The following WNT2B variants were observed in gnomAD, a reference collection of about 807,000 sequenced individuals.
The protein encoded by WNT2B is protein Wnt-2b.
A neutral mutation model predicts 40.5 loss-of-function variants in WNT2B; 19 were observed. That is an observed-to-expected ratio of 0.47 (90% CI 0.33 to 0.69). The LOEUF (loss-of-function observed/expected upper bound fraction) is 0.69, where lower values mean the gene tolerates loss of function less well. WNT2B is among the 30% of genes least tolerant of loss of function. WNT2B has a pLI of 0.02. For missense variants in WNT2B, 467 were observed against 556.4 expected, an observed-to-expected ratio of 0.84 and a Z score of 1.62; for synonymous variants, 220 against 211.9, an observed-to-expected ratio of 1.04 and a Z score of -0.33.
At position 112,509,970 on chromosome 1, in the gene WNT2B, CA is replaced by C. The variant is rs1652292557; in HGVS notation, c.182+528del. Among the ~76,000 whole-genome samples, 1 of 152,310 alleles carries C rather than the reference CA, an allele frequency of 6.6e-6. No homozygotes were observed. Among genetic ancestry groups the C allele is most frequent in the Non-Finnish European group, 1.5e-5 (1 of 68,024 alleles). On this transcript the variant is annotated intron_variant, in intron 1 of 4. Coordinates refer to ENST00000369684, the MANE Select transcript of WNT2B (RefSeq NM_024494.3). This position sits in a 1 kb window ranked among gnomAD's most constrained non-coding sequence, Gnocchi z 4.2. ...GCAAAATTTACCCCATTAACTCCCA[CA>C]ATTAAAACAAACAAAACGCATGGGT... is the stretch of plus-strand genomic sequence containing the variant.
chr1:112,503,364 G>A (rs919143648), intron 1 of WNT2B, among the ~76,000 whole-genome samples: 2 of 152,154 alleles, frequency 1.3e-5, no homozygotes, highest in African/African-American at 4.8e-5. Context: ...GTGCATGGCT[G>A]AGTTGGGGGA....
rs113011666 is a variant in WNT2B at position 112,474,103 on chromosome 1, C to T, written c.-95+6512C>T. The stretch of plus-strand genomic sequence containing the variant: ...AAAAAGAAAGAAAAAGAAAAAGAAA[C>T]ATCATAATCAAAAAGCCTAAAACCT... On this transcript the variant is annotated intron_variant, in intron 1 of 4. Transcript: ENST00000256640. Among the ~76,000 whole-genome samples the T allele has an allele frequency of 3.0e-3, 458 of 150,524 alleles. 1 individual carries two copies. The highest frequency in any genetic ancestry group is 0.011 in the African/African-American group (439 of 41,002).
At chr1:112,508,580 G>A (rs1215035943), upstream of WNT2B, among the ~76,000 whole-genome samples, 2 of 152,164 alleles carry the variant, frequency 1.3e-5, no homozygotes, top group East Asian at 1.9e-4. This position sits in a 1 kb window ranked among gnomAD's most constrained non-coding sequence, Gnocchi z 4.2. Context: ...TGCATCCTCC[G>A]TGCTCAGCGC....
intron 1 of WNT2B, among the ~76,000 whole-genome samples, chr1:112,501,517 A>C (rs1444317360): frequency 6.6e-6 from 1 of 152,144 alleles, no homozygotes; most frequent in Admixed American, 6.5e-5. Context: ...TTATTCATTC[A>C]ATCATTTATT....
chr1:112,467,615 T>C (rs1650744846), intron 1 of WNT2B: 1 of 777,818 alleles, frequency 1.3e-6, no homozygotes, highest in Non-Finnish European at 2.4e-6. Context: ...AGCACTACTT[T>C]ATTTAATACT....
rs112142151 is a variant in WNT2B at position 112,488,865 on chromosome 1, G to A, written c.-95+21274G>A. Among the ~76,000 whole-genome samples, 396 of 151,788 alleles carry A rather than the reference G, an allele frequency of 2.6e-3. 2 individuals carry two copies. Among genetic ancestry groups the A allele is most frequent in the African/African-American group, 8.8e-3 (366 of 41,414 alleles). On this transcript the variant is annotated intron_variant, in intron 1 of 4. Coordinates refer to the WNT2B transcript ENST00000256640. ...CACTGTGCCTGGCCCTTTATTTACC[G>A]TTTTTTTAGAGACAGGATTTTCCTA...
chr1:112,515,159 G>T lies in WNT2B; in HGVS notation c.403+65G>T. The T allele has an allele frequency of 1.3e-6, 2 of 1,539,936 alleles. No individual in the cohort carries two copies. Among genetic ancestry groups the T allele is most frequent in the Non-Finnish European group, 8.8e-7 (1 of 1,131,912 alleles). On this transcript the variant is annotated intron_variant, in intron 2 of 4. Transcript: ENST00000369684. The surrounding 1 kb of genome is among the most constrained non-coding windows in gnomAD (Gnocchi z 4.4). ...CTGTGCTGGGGGTGGTGAGTGGGAA[G>T]AGTAGGCAAGATCTCCCCTCTCCTC...
intron 1 of WNT2B, among the ~76,000 whole-genome samples, chr1:112,488,169 C>T (rs61820471): frequency 1.3e-5 from 2 of 151,648 alleles, no homozygotes; most frequent in East Asian, 1.9e-4. Flanking sequence ...GGGTGGTGCA[C>T]GCCTAGTAAT....
chr1:112,510,326 T>C (rs1652304263), intron 1 of WNT2B, among the ~76,000 whole-genome samples: 2 of 152,188 alleles, frequency 1.3e-5, no homozygotes, highest in Admixed American at 6.5e-5. Context: ...TGCTTTCCCT[T>C]CTTCCCCACC....
rs2101111206 is a variant in WNT2B, at chr1:112,523,512, AAT to A, written c.*3004_*3005del. The A allele has an allele frequency of 6.6e-6, 1 of 152,270 alleles. No individual in the cohort carries two copies. The highest frequency in any genetic ancestry group is 1.9e-4 in the East Asian group (1 of 5,180). The allele number at this position is 152,270 out of a possible 1,614,324, so 9.4% of individuals were successfully genotyped here. ...AGTCTGCATTACACAAATAGACACT[AAT>A]TTATTTGGAACAAGCAGCAAAATGA... On this transcript the variant is annotated 3_prime_UTR_variant, in exon 5 of 5. Coordinates refer to ENST00000369684, the MANE Select transcript of WNT2B (RefSeq NM_024494.3).
intron 1 of WNT2B, among the ~76,000 whole-genome samples, chr1:112,484,159 T>C (rs1651323536): frequency 6.8e-6 from 1 of 146,318 alleles, no homozygotes. Context: ...ATTTATATAA[T>C]AAATTATATA....
Position 112,523,374 on chromosome 1 carries a change from A to G in WNT2B, c.*2865A>G, listed in dbSNP as rs1308390193. 7 of 152,238 alleles carry G rather than the reference A, an allele frequency of 4.6e-5. No individual in the cohort carries two copies. Among genetic ancestry groups the G allele is most frequent in the African/African-American group, 1.7e-4 (7 of 41,466 alleles). 9.4% of individuals were successfully genotyped at this position (152,238 alleles called of 1,614,324 possible). On this transcript the variant is annotated 3_prime_UTR_variant, in exon 5 of 5. Transcript: ENST00000369684. ...ATAAGAGAGAAATGATGTCCATTTG[A>G]GCCCCACCACGGAGGTTATGTGGTC... is the stretch of plus-strand genomic sequence containing the variant.
chr1:112,467,351 C>G (rs1313486406), exon 1 of WNT2B: 3 of 576,288 alleles, frequency 5.2e-6, no homozygotes. Flanking sequence ...ATCATGAGCA[C>G]AGGCACATTT....
intron 1 of WNT2B, among the ~76,000 whole-genome samples, chr1:112,489,782 A>T (rs1387433063): frequency 5.3e-5 from 8 of 149,996 alleles, no homozygotes; most frequent in Non-Finnish European, 1.0e-4. Context: ...AATTCTGCCT[A>T]TTTTTTTTTT....
chr1:112,484,380 A>G (rs1471476328), intron 1 of WNT2B, among the ~76,000 whole-genome samples: 2 of 150,126 alleles, frequency 1.3e-5, no homozygotes, highest in African/African-American at 4.9e-5. Context: ...AGCTCACTGC[A>G]ACCTCTACTT....
chr1:112,491,841 T>C (rs759454648), intron 1 of WNT2B, among the ~76,000 whole-genome samples: 2 of 152,168 alleles, frequency 1.3e-5, no homozygotes, highest in African/African-American at 4.8e-5. Flanking sequence ...CAGTGAGCCA[T>C]GATTGTGCCA....
In WNT2B at chr1:112,515,200, C is replaced by A; in HGVS notation, c.403+106C>A. ...CCCTCTCCTCTCCCACACACTGTTT[C>A]ATCATCAGAGAAAGAACTGTGGGCA... On this transcript the variant is annotated intron_variant, in intron 2 of 4. Coordinates refer to ENST00000369684, the MANE Select transcript of WNT2B (RefSeq NM_024494.3). This position sits in a 1 kb window ranked among gnomAD's most constrained non-coding sequence, Gnocchi z 4.4. The A allele has an allele frequency of 7.7e-7, 1 of 1,304,250 alleles. No homozygotes were observed. Among genetic ancestry groups the A allele is most frequent in the Non-Finnish European group, 1.1e-6 (1 of 939,930 alleles). The allele number at this position is 1,304,250 out of a possible 1,614,324, so 80.8% of individuals were successfully genotyped here. A position where few individuals can be genotyped will look rare whatever the true frequency, so the allele number is the denominator to read the frequency against.
At chr1:112,474,369 C>T (rs539148647) in intron 1 of WNT2B, among the ~76,000 whole-genome samples, 107 of 152,036 alleles carry the variant, frequency 7.0e-4, no homozygotes, top group African/African-American at 2.5e-3. Flanking sequence ...AGGATGGTCT[C>T]AATCTCCTGA....
chr1:112,499,875 T>G (rs1051812662), intron 1 of WNT2B, among the ~76,000 whole-genome samples: 1 of 150,332 alleles, frequency 6.7e-6, no homozygotes, highest in Non-Finnish European at 1.5e-5. Flanking sequence ...TCAGGAGAAA[T>G]GACAGGAGTA....
Sources: gnomAD v4.1 joint callset for allele counts (sites outside exome capture counted in the v4.1 genomes callset) on GRCh38, gnomAD v4.1.1 for gene constraint, Gnocchi (gnomAD v3.1) non-coding constraint, MANE v1.5 for transcripts, NCBI Gene and HGNC (gene_info 2026-07-23, HGNC 2026-07-21) for gene names.